CSMD1: variants seen among roughly 807,000 people sequenced by gnomAD.
CSMD1 encodes the protein CUB and Sushi multiple domains 1.
Under a neutral mutation model 417.5 loss-of-function variants are expected in CSMD1, and 213 were observed. That is an observed-to-expected ratio of 0.51 (90% CI 0.46 to 0.57). CSMD1 has a LOEUF of 0.57. CSMD1 is among the 20% of genes least tolerant of loss of function. CSMD1 has a pLI of 0.00. For missense variants in CSMD1, 6,923 were observed against 4,529.7 expected (o/e 1.53, Z -15.17); for synonymous variants, 2,862 against 1,736.8 (o/e 1.65, Z -16.11).
intron 1 of CSMD1, among the ~76,000 whole-genome samples, chr8:4,974,628 A>G (rs886349357): frequency 6.6e-6 from 1 of 152,172 alleles, no homozygotes; most frequent in Non-Finnish European, 1.5e-5. Context: ...TTCTGTATAT[A>G]ATAGCAGGAA....
chr8:3,302,203 A>G (rs1461406116), intron 25 of CSMD1, among the ~76,000 whole-genome samples: 1 of 152,164 alleles, frequency 6.6e-6, no homozygotes, highest in Non-Finnish European at 1.5e-5. Context: ...AGCTCTGAGG[A>G]GAGATGTCAG....
chr8:3,710,796 G>A (rs990001167), intron 6 of CSMD1, among the ~76,000 whole-genome samples: 1 of 152,138 alleles, frequency 6.6e-6, no homozygotes, highest in African/African-American at 2.4e-5. Flanking sequence ...CAGGAAGCAA[G>A]GCTCACAGAT....
At chr8:3,892,892 C>A (rs962471881) in intron 5 of CSMD1, among the ~76,000 whole-genome samples, 7 of 151,422 alleles carry the variant, frequency 4.6e-5, no homozygotes, top group South Asian at 2.1e-4. Context: ...GGATGGCAAG[C>A]GTTGATGTGG....
chr8:4,403,067 G>A (rs918737813), intron 3 of CSMD1, among the ~76,000 whole-genome samples: 2 of 151,724 alleles, frequency 1.3e-5, no homozygotes, highest in Admixed American at 6.6e-5. Flanking sequence ...TCCTGACCTC[G>A]TGATCCGCTC....
rs112117612 is a variant in CSMD1 at position 4,485,647 on chromosome 8, C to T, written c.303-65582G>A. Among the ~76,000 whole-genome samples, 1,394 of 152,050 alleles carry T rather than the reference C, an allele frequency of 9.2e-3. 17 individuals are homozygous for T. The highest frequency in any genetic ancestry group is 0.032 in the African/African-American group (1,332 of 41,468). Reference sequence around the variant, plus strand: ...TATTAAAATTGATCTTGTATGCTATCGCAGAGCCCAGGTAAATGAGGCTGA... The same window carrying T: ...TATTAAAATTGATCTTGTATGCTATTGCAGAGCCCAGGTAAATGAGGCTGA... On this transcript the variant is annotated intron_variant, in intron 2 of 69. Coordinates refer to ENST00000635120, the MANE Select transcript of CSMD1 (RefSeq NM_033225.6).
chr8:3,181,006 G>T, intron 37 of CSMD1, 104 bp downstream of exon 37: 1 of 747,930 alleles, frequency 1.3e-6, no homozygotes, highest in Non-Finnish European at 2.2e-6. Context: ...CACAGTTTTA[G>T]AAAAATAATA....
At chr8:3,855,039 A>G (rs983823123) in intron 5 of CSMD1, among the ~76,000 whole-genome samples, 1 of 152,178 alleles carries the variant, frequency 6.6e-6, no homozygotes, top group African/African-American at 2.4e-5. Context: ...AAACATGCAT[A>G]TGCAGAGAGC....
intron 12 of CSMD1, among the ~76,000 whole-genome samples, chr8:3,421,897 C>G (rs1052542846): frequency 2.7e-5 from 4 of 145,854 alleles, no homozygotes; most frequent in African/African-American, 1.1e-4. Context: ...CTTGGCCGCC[C>G]AAAGTGCTGG....
chr8:3,693,718 G>A (rs1203169164), intron 7 of CSMD1, among the ~76,000 whole-genome samples: 1 of 152,124 alleles, frequency 6.6e-6, no homozygotes, highest in African/African-American at 2.4e-5. Flanking sequence ...AAATGTATGT[G>A]TTGTGTGTGT....
chr8:3,364,127 G>A (rs774677278), intron 20 of CSMD1, among the ~76,000 whole-genome samples: 11 of 151,896 alleles, frequency 7.2e-5, no homozygotes, highest in Non-Finnish European at 1.2e-4. Flanking sequence ...TGCCTCATTT[G>A]TATAATAAAG....
chr8:4,577,137 T>C (rs375022278), intron 2 of CSMD1, among the ~76,000 whole-genome samples: 2 of 152,220 alleles, frequency 1.3e-5, no homozygotes, highest in Non-Finnish European at 2.9e-5. Context: ...TCTTCTGCAA[T>C]GTTTCCTTGG....
At chr8:4,023,657 G>A (rs1796901815) in intron 4 of CSMD1, among the ~76,000 whole-genome samples, 2 of 150,092 alleles carry the variant, frequency 1.3e-5, no homozygotes, top group African/African-American at 4.9e-5. Context: ...CGCGATCTCG[G>A]CTCACTGCAA....
At chr8:3,591,339 A>G (rs1800835856) in intron 8 of CSMD1, among the ~76,000 whole-genome samples, 1 of 152,308 alleles carries the variant, frequency 6.6e-6, no homozygotes, top group South Asian at 2.1e-4. Flanking sequence ...ATTTATCACC[A>G]TATAATTCAC....
intron 1 of CSMD1, among the ~76,000 whole-genome samples, chr8:4,922,784 G>C (rs538008923): frequency 6.6e-6 from 1 of 152,130 alleles, no homozygotes; most frequent in South Asian, 2.1e-4. Context: ...GGACACCAAA[G>C]TCACCCCAAG....
chr8:4,120,103 CACCCCATTATCCATGATGTGAAT>C (rs1802396421), intron 3 of CSMD1, among the ~76,000 whole-genome samples: 2 of 152,228 alleles, frequency 1.3e-5, no homozygotes, highest in Non-Finnish European at 2.9e-5. Context: ...AGGGGATGGA[CACCCCATTATCCATGATGTGAAT>C]ACTACACATC....
rs1192383183 is a variant in CSMD1, at chr8:4,841,930, A to AAAAAAAAAAAAAAAAAAAAAAACAAAAC, written c.85+152401_85+152402insGTTTTGTTTTTTTTTTTTTTTTTTTTTT. Among the ~76,000 whole-genome samples, 38 of 122,472 alleles carry AAAAAAAAAAAAAAAAAAAAAAACAAAAC rather than the reference A, an allele frequency of 3.1e-4. 3 individuals are homozygous for AAAAAAAAAAAAAAAAAAAAAAACAAAAC. The highest frequency in any genetic ancestry group is 5.6e-4 in the East Asian group (2 of 3,578). 80.3% of individuals were successfully genotyped at this position (122,472 alleles called of 152,430 possible). ...CCGTCTCAAAAAAAAAAAAAAAAAA[A>AAAAAAAAAAAAAAAAAAAAAAACAAAAC]AAAAAAAAGTTCAGAACAATGGATA... On this transcript the variant is annotated intron_variant, in intron 1 of 69. Coordinates refer to ENST00000635120, the MANE Select transcript of CSMD1 (RefSeq NM_033225.6).
rs539227120 is a variant in CSMD1 at position 4,984,795 on chromosome 8, A to T, written c.85+9537T>A. Among the ~76,000 whole-genome samples, 18 of 152,262 alleles carry T rather than the reference A, an allele frequency of 1.2e-4. No homozygotes were observed. In the South Asian group the frequency reaches 3.7e-3, roughly 32 times the overall value. On this transcript the variant is annotated intron_variant, in intron 1 of 69. Transcript: ENST00000635120. ...CCCCCAGATTCTTGCCAGAACAGAA[A>T]CCCATACTTAGTGTCCTTGGGCTGA...
At chr8:4,060,833 C>T (rs1798933340) in intron 3 of CSMD1, among the ~76,000 whole-genome samples, 1 of 152,030 alleles carries the variant, frequency 6.6e-6, no homozygotes, top group South Asian at 2.1e-4. Context: ...ATCAGAAATG[C>T]ATTAATCATG....
At chr8:3,476,282 G>A (rs1328415369) in intron 11 of CSMD1, among the ~76,000 whole-genome samples, 3 of 152,178 alleles carry the variant, frequency 2.0e-5, no homozygotes, top group Non-Finnish European at 2.9e-5. Context: ...GTTGTTGTGT[G>A]TATCAGTAGT....
Sources: allele counts gnomAD v4.1 joint callset (sites outside exome capture counted in the v4.1 genomes callset), GRCh38; gene constraint gnomAD v4.1.1; transcripts MANE v1.5; gene names NCBI Gene and HGNC (gene_info 2026-07-23, HGNC 2026-07-21).